ESRRG: variants seen among roughly 807,000 people sequenced by gnomAD.
ESRRG encodes the protein estrogen related receptor gamma.
ESRRG carries 13 observed loss-of-function variants against 44.0 expected under a neutral mutation model. The observed-to-expected ratio is 0.30, with a 90% CI of 0.19 to 0.47. ESRRG has a LOEUF of 0.47. Ranked by LOEUF, ESRRG falls within the 20% of genes least tolerant of loss-of-function variation. The pLI is 1.00. For synonymous variants in ESRRG, 215 were observed against 214.6 expected (o/e 1.00, Z -0.02); for missense variants, 395 against 580.6 (o/e 0.68, Z 3.29).
chr1:216,507,642 A>G (rs1195226799), intron 6 of ESRRG, among the ~76,000 whole-genome samples: 1 of 152,174 alleles, frequency 6.6e-6, no homozygotes, highest in Non-Finnish European at 1.5e-5. Context: ...CAGGGGAAAA[A>G]ATTGTTGACT....
chr1:216,977,803 GTGA>G (rs1329342175), intron 1 of ESRRG, among the ~76,000 whole-genome samples: 2 of 152,120 alleles, frequency 1.3e-5, no homozygotes, highest in African/African-American at 2.4e-5. Context: ...TCTTTAAGAG[GTGA>G]TCAGGCCATG....
intron 1 of ESRRG, among the ~76,000 whole-genome samples, chr1:217,057,799 C>T (rs934509014): frequency 2.0e-5 from 3 of 152,152 alleles, no homozygotes; most frequent in Non-Finnish European, 2.9e-5. Flanking sequence ...AATTGATAAA[C>T]TTTCTGAAAA....
chr1:217,036,631 T>C (rs2082942270), intron 1 of ESRRG, among the ~76,000 whole-genome samples: 1 of 151,870 alleles, frequency 6.6e-6, no homozygotes, highest in Non-Finnish European at 1.5e-5. Context: ...CATGGACACA[T>C]AGAGGAGAAC....
intron 1 of ESRRG, among the ~76,000 whole-genome samples, chr1:217,101,674 C>A (rs1025531899): frequency 6.6e-6 from 1 of 152,198 alleles, no homozygotes; most frequent in African/African-American, 2.4e-5. Context: ...CCCACATCAG[C>A]AAACACACAC....
chr1:216,865,532 C>T (rs1029907026), intron 2 of ESRRG, among the ~76,000 whole-genome samples: 2 of 151,986 alleles, frequency 1.3e-5, no homozygotes, highest in African/African-American at 4.8e-5. Context: ...ATTGGGACTG[C>T]TGGTCTTTGT....
At chr1:216,938,368 G>A (rs900766273) in intron 2 of ESRRG, among the ~76,000 whole-genome samples, 4 of 152,052 alleles carry the variant, frequency 2.6e-5, no homozygotes, top group East Asian at 3.9e-4. Flanking sequence ...CCGATGCTAC[G>A]CAAAACAACA....
At chr1:216,593,344 T>C (rs149745480) in intron 3 of ESRRG, among the ~76,000 whole-genome samples, 4 of 152,348 alleles carry the variant, frequency 2.6e-5, no homozygotes, top group East Asian at 3.9e-4. Context: ...TTCCATATAT[T>C]TGAGGCACAA....
intron 1 of ESRRG, among the ~76,000 whole-genome samples, chr1:217,004,424 C>T (rs1383769161): frequency 6.6e-6 from 1 of 152,168 alleles, no homozygotes; most frequent in East Asian, 1.9e-4. Flanking sequence ...CCTGCACAAG[C>T]TCTTTTGCCT....
At chr1:216,989,144 C>A (rs139756452) in intron 1 of ESRRG, among the ~76,000 whole-genome samples, 1 of 152,144 alleles carries the variant, frequency 6.6e-6, no homozygotes, top group East Asian at 1.9e-4. Flanking sequence ...CACCAGATAT[C>A]GGTGTCTTTT....
intron 3 of ESRRG, among the ~76,000 whole-genome samples, chr1:216,608,931 A>G (rs750805694): frequency 2.6e-5 from 4 of 152,228 alleles, no homozygotes; most frequent in African/African-American, 4.8e-5. Flanking sequence ...AAAGATGTAC[A>G]AATAAATGAC....
At chr1:216,566,487 A>C (rs1298212789) in intron 4 of ESRRG, among the ~76,000 whole-genome samples, 1 of 152,132 alleles carries the variant, frequency 6.6e-6, no homozygotes, top group Admixed American at 6.5e-5. Context: ...TACGAAGAAA[A>C]CCATAGATGC....
chr1:216,584,191 C>T (rs2063322673), intron 3 of ESRRG, among the ~76,000 whole-genome samples: 3 of 152,040 alleles, frequency 2.0e-5, no homozygotes, highest in East Asian at 1.9e-4. Flanking sequence ...TCTTTCTAAA[C>T]TAAATTATCT....
rs367840043 is a variant in ESRRG at position 216,783,918 on chromosome 1, G to C, written c.-13-106427C>G. On this transcript the variant is annotated intron_variant, in intron 2 of 7. Transcript: ENST00000359162. ...TTAGAATAAAAAGAATACTGTTGTGGTTTCAAAATCATATTAGCTTGCACT... is the reference window on the plus strand; with the variant it reads ...TTAGAATAAAAAGAATACTGTTGTGCTTTCAAAATCATATTAGCTTGCACT... Among the ~76,000 whole-genome samples the C allele has an allele frequency of 1.4e-4, 22 of 152,152 alleles. No homozygotes were observed. The East Asian group carries it at 3.5e-3, about 24-fold the overall frequency.
upstream of ESRRG, among the ~76,000 whole-genome samples, chr1:217,093,556 G>T (rs1214219001): frequency 1.3e-5 from 2 of 152,132 alleles, no homozygotes; most frequent in African/African-American, 4.8e-5. Context: ...GCCAAGGCGG[G>T]AGGATCGCTT....
intron 2 of ESRRG, among the ~76,000 whole-genome samples, chr1:216,839,995 T>C (rs1439623733): frequency 6.6e-6 from 1 of 152,208 alleles, no homozygotes; most frequent in Non-Finnish European, 1.5e-5. Context: ...TGACTTCAAC[T>C]TAAAGTCAAC....
At chr1:216,736,176 ATTTTT>A (rs34469625) in intron 2 of ESRRG, among the ~76,000 whole-genome samples, 31 of 82,688 alleles carry the variant, frequency 3.7e-4, no homozygotes, top group African/African-American at 1.4e-3. Context: ...GTTAAGGACT[ATTTTT>A]TTTTTTTTTT....
intron 1 of ESRRG, among the ~76,000 whole-genome samples, chr1:217,054,719 C>T (rs1313303433): frequency 6.6e-6 from 1 of 151,856 alleles, no homozygotes; most frequent in Non-Finnish European, 1.5e-5. Flanking sequence ...CAATAAAATA[C>T]TACGCCTTAG....
rs114253246 is a variant in ESRRG at position 216,888,199 on chromosome 1, C to G, written c.-14+51383G>C. On this transcript the variant is annotated intron_variant, in intron 2 of 7. Coordinates refer to the ESRRG transcript ENST00000359162. ...CCTCTTATTAAGACCGACAGTCACT[C>G]TCCTCTAATTTAGGTGTTTTTCTCA... Among the ~76,000 whole-genome samples, 1,287 of 152,272 alleles carry G rather than the reference C, an allele frequency of 8.5e-3. 18 individuals are homozygous for G. Among genetic ancestry groups the G allele is most frequent in the African/African-American group, 0.03 (1,231 of 41,542 alleles).
At chr1:216,669,512 T>C (rs768332588) in intron 2 of ESRRG, among the ~76,000 whole-genome samples, 1 of 152,220 alleles carries the variant, frequency 6.6e-6, no homozygotes, top group Non-Finnish European at 1.5e-5. Flanking sequence ...TTGGCAACTT[T>C]AATGCATTTC....
Sources: gnomAD v4.1 joint callset for allele counts (sites outside exome capture counted in the v4.1 genomes callset) on GRCh38, gnomAD v4.1.1 for gene constraint, MANE v1.5 for transcripts, NCBI Gene and HGNC (gene_info 2026-07-23, HGNC 2026-07-21) for gene names.